The following PCDHGB1 variants were observed in gnomAD, a reference collection of about 807,000 sequenced individuals.
PCDHGB1 encodes protocadherin gamma subfamily B, 1, also known as protocadherin gamma-B1.
A neutral mutation model predicts 56.6 loss-of-function variants in PCDHGB1; 34 were observed. The ratio of observed to expected loss-of-function variants is 0.60; its 90% CI spans 0.46 to 0.80. PCDHGB1 has a LOEUF of 0.80. Ranked by LOEUF, PCDHGB1 falls within the 30% of genes least tolerant of loss-of-function variation. The probability of loss-of-function intolerance (pLI) is 0.00; values close to 1 mark genes in which losing one functional copy is unlikely to be tolerated. For missense variants in PCDHGB1, 1,278 were observed against 1,204.6 expected (o/e 1.06, Z -0.90); for synonymous variants, 561 against 505.9 (o/e 1.11, Z -1.46).
At chr5:141,378,368 C>A (rs1774846187) in intron 1 of PCDHGB1, 1 of 152,194 alleles carries the variant, frequency 6.6e-6, no homozygotes, top group Non-Finnish European at 1.5e-5. Context: ...ACTAAAAATA[C>A]AAAAATTAGC....
intron 2 of PCDHGB1, among the ~76,000 whole-genome samples, chr5:141,502,947 G>A (rs933409229): frequency 3.0e-4 from 45 of 151,030 alleles, no homozygotes; most frequent in Admixed American, 1.8e-3. Context: ...GGGTTCAAGC[G>A]ATTCTCCTGC....
At chr5:141,416,794 G>A (rs1002101061) in intron 1 of PCDHGB1, 1 of 152,070 alleles carries the variant, frequency 6.6e-6, no homozygotes, top group East Asian at 1.9e-4. Flanking sequence ...ACTAAATGTG[G>A]TAGTATAAAG....
At chr5:141,419,808 G>A in intron 1 of PCDHGB1, 2 of 1,614,066 alleles carry the variant, frequency 1.2e-6, no homozygotes, top group Non-Finnish European at 8.5e-7. Flanking sequence ...AGAGATGGAG[G>A]ACAGCCACCC....
In PCDHGB1 at chr5:141,501,310, C is replaced by T. The variant is rs958976594; in HGVS notation, c.2469-4083C>T. ...CCTTATACACACACACACACACACA[C>T]ACACACACACACACACACACACACC... On this transcript the variant is annotated intron_variant, in intron 2 of 3. Transcript: ENST00000523390. Among the ~76,000 whole-genome samples, 4 of 151,684 alleles carry T rather than the reference C, an allele frequency of 2.6e-5. No individual in the cohort carries two copies. The South Asian group carries it at 8.3e-4, about 32-fold the overall frequency.
Position 141,487,165 on chromosome 5 carries a change from C to T in PCDHGB1, c.2410-7642C>T, listed in dbSNP as rs1014219030. The T allele has an allele frequency of 1.9e-6, 3 of 1,612,932 alleles. No homozygotes were observed. The highest frequency in any genetic ancestry group is 2.5e-6 in the Non-Finnish European group (3 of 1,178,918). On this transcript the variant is annotated intron_variant, in intron 1 of 3. Coordinates refer to ENST00000523390, the MANE Select transcript of PCDHGB1 (RefSeq NM_018922.3). The surrounding 1 kb of genome is among the most constrained non-coding windows in gnomAD (Gnocchi z 5.0). ...CTACCTCTGTTACTCTCTTAGTGTC[C>T]TTAGAGGAAGACACTCATCCAGTTG...
At chr5:141,360,214 G>A in intron 1 of PCDHGB1, 7 of 1,613,376 alleles carry the variant, frequency 4.3e-6, no homozygotes, top group Non-Finnish European at 5.9e-6. Flanking sequence ...TTTGTTCCCC[G>A]GGGCTCTCCC....
chr5:141,361,416 G>A (rs1464562844), intron 1 of PCDHGB1: 2 of 1,613,876 alleles, frequency 1.2e-6, no homozygotes, highest in Admixed American at 1.7e-5. Context: ...CCACCGACGG[G>A]GGCAAGCCGC....
intron 1 of PCDHGB1, chr5:141,422,019 G>T (rs777239843): frequency 1.9e-6 from 3 of 1,610,862 alleles, no homozygotes; most frequent in Non-Finnish European, 2.5e-6. Context: ...GGGTGCTGAT[G>T]GTTAATGCAA....
Position 141,376,335 on chromosome 5 carries a change from A to G in PCDHGB1, c.2409+23666A>G, listed in dbSNP as rs754863044. On this transcript the variant is annotated intron_variant, in intron 1 of 3. Coordinates refer to ENST00000523390, the MANE Select transcript of PCDHGB1 (RefSeq NM_018922.3). ...GTGGAAGGGGTTCGGGCTTTCCTGCAGACCTATTCCCACGAGGTCTCACTC... is the reference window on the plus strand; with the variant it reads ...GTGGAAGGGGTTCGGGCTTTCCTGCGGACCTATTCCCACGAGGTCTCACTC... 9 of 1,614,080 alleles carry G rather than the reference A, an allele frequency of 5.6e-6. No individual in the cohort carries two copies. The East Asian group carries it at 6.7e-5, about 12-fold the overall frequency.
At position 141,491,154 on chromosome 5, in the gene PCDHGB1, C is replaced by T. The variant is rs773308291; in HGVS notation, c.2410-3653C>T. ...CAGCCCGGGCCTTACTGGAGGATGACTCTGACACCCAGCAGGTGGTGGTCC... is the reference window on the plus strand; with the variant it reads ...CAGCCCGGGCCTTACTGGAGGATGATTCTGACACCCAGCAGGTGGTGGTCC... On this transcript the variant is annotated intron_variant, in intron 1 of 3. Coordinates refer to ENST00000523390, the MANE Select transcript of PCDHGB1 (RefSeq NM_018922.3). The surrounding 1 kb of genome is among the most constrained non-coding windows in gnomAD (Gnocchi z 6.9). The T allele has an allele frequency of 6.2e-7, 1 of 1,614,162 alleles. No homozygotes were observed. The highest frequency in any genetic ancestry group is 1.7e-5 in the Admixed American group (1 of 60,026).
At chr5:141,404,891 C>G in intron 1 of PCDHGB1, 1 of 1,613,898 alleles carries the variant, frequency 6.2e-7, no homozygotes, top group African/African-American at 1.3e-5. Context: ...GGTGGCTGTA[C>G]AGGACCATGG....
At chr5:141,393,348 T>A in intron 1 of PCDHGB1, 1 of 1,613,848 alleles carries the variant, frequency 6.2e-7, no homozygotes, top group Non-Finnish European at 8.5e-7. Flanking sequence ...TCACCACTTC[T>A]CCCTGGACGT....
chr5:141,378,889 T>C (rs185717248), intron 1 of PCDHGB1: 2 of 152,352 alleles, frequency 1.3e-5, no homozygotes, highest in Admixed American at 6.5e-5. Flanking sequence ...ACTAAGGAGA[T>C]AGGAGATTCT....
At chr5:141,488,594 C>T (rs1398982317) in intron 1 of PCDHGB1, among the ~76,000 whole-genome samples, 3 of 152,164 alleles carry the variant, frequency 2.0e-5, no homozygotes, top group African/African-American at 7.2e-5. Context: ...CAGGGCAAGA[C>T]TTTACAAGGT....
Position 141,422,656 on chromosome 5 carries a change from G to T in PCDHGB1, c.2409+69987G>T, listed in dbSNP as rs759548203. The T allele has an allele frequency of 7.5e-6, 12 of 1,609,898 alleles. 1 individual carries two copies. The African/African-American group carries it at 1.1e-4, about 14-fold the overall frequency. On this transcript the variant is annotated intron_variant, in intron 1 of 3. Transcript: ENST00000523390. The stretch of plus-strand genomic sequence containing the variant: ...GGGTGCCTCCATCTTCTCAGTGACC[G>T]CCCTCGACCCGGACAGCAAACAGAA...
intron 1 of PCDHGB1, chr5:141,423,051 CCTG>C (rs771403541): frequency 2.5e-6 from 4 of 1,614,208 alleles, no homozygotes; most frequent in Admixed American, 1.7e-5. Flanking sequence ...TGTCCTATCG[CCTG>C]CTTAAGGCCA....
chr5:141,506,165 C>T (rs1359711670), intron 3 of PCDHGB1, among the ~76,000 whole-genome samples: 8 of 152,038 alleles, frequency 5.3e-5, no homozygotes, highest in South Asian at 2.1e-4. Context: ...AAGAGCACAG[C>T]CTAAGCTGGG....
chr5:141,470,130 A>G (rs915991313), intron 1 of PCDHGB1, among the ~76,000 whole-genome samples: 4 of 151,534 alleles, frequency 2.6e-5, no homozygotes, highest in African/African-American at 4.9e-5. Flanking sequence ...CTTCGTCTCA[A>G]AAAAAAAGAT....
chr5:141,509,060 T>G (rs2099874519), intron 3 of PCDHGB1, among the ~76,000 whole-genome samples: 1 of 152,216 alleles, frequency 6.6e-6, no homozygotes, highest in Middle Eastern at 3.4e-3. Flanking sequence ...CAGAAAGCTC[T>G]CAGCTCCGGG....
Sources: gnomAD v4.1 joint callset for allele counts (sites outside exome capture counted in the v4.1 genomes callset) on GRCh38, gnomAD v4.1.1 for gene constraint, Gnocchi (gnomAD v3.1) non-coding constraint, MANE v1.5 for transcripts, NCBI Gene and HGNC (gene_info 2026-07-23, HGNC 2026-07-21) for gene names.